The following WDFY4 variants were observed in gnomAD, a reference collection of about 807,000 sequenced individuals.
WDFY4 encodes WDFY family member 4.
In WDFY4, 169 loss-of-function variants were observed where a neutral mutation model predicts 351.9. The ratio of observed to expected loss-of-function variants is 0.48; its 90% CI spans 0.42 to 0.55. WDFY4 has a LOEUF of 0.55. WDFY4 is among the 20% of genes least tolerant of loss of function. The probability of loss-of-function intolerance (pLI) is 0.00; values close to 1 mark genes in which losing one functional copy is unlikely to be tolerated. For missense variants in WDFY4, 3,803 were observed against 3,935.6 expected (o/e 0.97, Z 0.90); for synonymous variants, 1,622 against 1,574.6 (o/e 1.03, Z -0.71).
chr10:48,688,221 C>T (rs1015683678), intron 1 of WDFY4, among the ~76,000 whole-genome samples: 1 of 152,196 alleles, frequency 6.6e-6, no homozygotes, highest in Non-Finnish European at 1.5e-5. Flanking sequence ...TTGTTAACCA[C>T]AGGTTTATAA....
At chr10:48,726,182 G>A in intron 6 of WDFY4, 112 bp downstream of exon 6, 1 of 1,243,760 alleles carries the variant, frequency 8.0e-7, no homozygotes, top group African/African-American at 1.5e-5. Context: ...TGCTCTTGCA[G>A]CCTCTTATAG....
chr10:48,877,539 A>G (rs984972194), intron 43 of WDFY4, among the ~76,000 whole-genome samples: 9 of 152,230 alleles, frequency 5.9e-5, no homozygotes, highest in African/African-American at 2.2e-4. Flanking sequence ...GCAGTTCAGC[A>G]TCTTGGCCCC....
rs577637085 is a variant in WDFY4 at position 48,960,945 on chromosome 10, A to AACAC, written c.8223+1135_8223+1138dup. On this transcript the variant is annotated intron_variant, in intron 53 of 61. Transcript: ENST00000325239. ...TGAAGTAGGAGAGTGACCACAAAGG[A>AACAC]ACACACGGGGGGACTTTTTGAGCCG... Among the ~76,000 whole-genome samples, 17 of 152,356 alleles carry AACAC rather than the reference A, an allele frequency of 1.1e-4. 1 individual carries two copies. The East Asian group carries it at 2.5e-3, about 22-fold the overall frequency.
chr10:48,776,025 A>G (rs541632578), intron 15 of WDFY4, among the ~76,000 whole-genome samples: 5 of 152,216 alleles, frequency 3.3e-5, no homozygotes, highest in Admixed American at 6.5e-5. Flanking sequence ...CCAGACATAT[A>G]AGACAGATGA....
chr10:48,852,690 C>A (rs150724768), intron 39 of WDFY4, among the ~76,000 whole-genome samples: 13 of 152,272 alleles, frequency 8.5e-5, no homozygotes, highest in African/African-American at 2.6e-4. Flanking sequence ...ACAGCCTCAT[C>A]CCCATCTGCA....
At position 48,720,013 on chromosome 10, in the gene WDFY4, C is replaced by T. The variant is rs140233893; in HGVS notation, c.237C>T (p.Ala79=). 1.3e-6 allele frequency: 2 copies of T among 1,551,628 alleles called. No homozygotes were observed. The highest frequency in any genetic ancestry group is 2.4e-5 in the East Asian group (1 of 40,920). Residue 79 remains alanine (A), a splice_region_variant and synonymous_variant, in exon 3 of 62, where the codon GCC becomes GCT. Transcript: ENST00000325239. ...LLSLLPLFLK[A]WEHSVGIICF... is the part of the protein sequence containing the mutation. Reference sequence around the variant, plus strand: ...CCAAGTCCCATCTGTTGCTTCAGGCCTGGGAACACTCCGTGGGGATCATCT... The same window carrying T: ...CCAAGTCCCATCTGTTGCTTCAGGCTTGGGAACACTCCGTGGGGATCATCT...
At chr10:48,861,036 A>G (rs921585464) in intron 39 of WDFY4, among the ~76,000 whole-genome samples, 6 of 152,112 alleles carry the variant, frequency 3.9e-5, no homozygotes, top group Non-Finnish European at 7.4e-5. Flanking sequence ...TTTTTTTGGA[A>G]TTAAATTTTC....
At chr10:48,785,950 AT>A (rs2132693175) in intron 19 of WDFY4, among the ~76,000 whole-genome samples, 1 of 152,324 alleles carries the variant, frequency 6.6e-6, no homozygotes, top group African/African-American at 2.4e-5. Flanking sequence ...GGGAAATAAT[AT>A]CTTTACTATA....
At chr10:48,892,642 G>A (rs1836871755) in intron 44 of WDFY4, among the ~76,000 whole-genome samples, 1 of 152,178 alleles carries the variant, frequency 6.6e-6, no homozygotes, top group Admixed American at 6.5e-5. Context: ...TTTGACCATG[G>A]AGATTAAAGA....
At chr10:48,733,042 G>C (rs1331043176) in intron 9 of WDFY4, among the ~76,000 whole-genome samples, 1 of 152,218 alleles carries the variant, frequency 6.6e-6, no homozygotes, top group Non-Finnish European at 1.5e-5. Flanking sequence ...TGCTTCATCC[G>C]CTTTCCTTGG....
intron 43 of WDFY4, among the ~76,000 whole-genome samples, chr10:48,877,865 C>T (rs1182941780): frequency 6.6e-6 from 1 of 152,116 alleles, no homozygotes; most frequent in Admixed American, 6.5e-5. Context: ...TGGGGAGGTC[C>T]CAGAGAAGGA....
chr10:48,925,527 A>G lies in WDFY4; in HGVS notation c.7587-16279A>G, dbSNP rs953027577. 3.3e-5 allele frequency among the ~76,000 whole-genome samples: 5 copies of G among 152,238 alleles called. No individual in the cohort carries two copies. The South Asian group carries it at 1.0e-3, about 31-fold the overall frequency. On this transcript the variant is annotated intron_variant, in intron 47 of 61. Transcript: ENST00000325239. Reference sequence around the variant, plus strand: ...TGCAGTGTTACCTAGATTTAGGAATATAGATTCCTTGGGGGTATAAACATA... The same window carrying G: ...TGCAGTGTTACCTAGATTTAGGAATGTAGATTCCTTGGGGGTATAAACATA...
chr10:48,795,534 T>TATATAC (rs1565208128), intron 23 of WDFY4, among the ~76,000 whole-genome samples: 1 of 67,844 alleles, frequency 1.5e-5, no homozygotes, highest in African/African-American at 8.0e-5. Flanking sequence ...CATATATATA[T>TATATAC]ACACACACAT....
At chr10:48,787,872 T>C (rs113038601) in intron 20 of WDFY4, among the ~76,000 whole-genome samples, 4,170 of 120,200 alleles carry the variant, frequency 0.035, 342 homozygotes, top group Middle Eastern at 0.066. Flanking sequence ...TTCTTCTTTC[T>C]TCTTTCTTTC....
At chr10:48,874,121 A>C (rs1319004962) in intron 41 of WDFY4, among the ~76,000 whole-genome samples, 1 of 152,228 alleles carries the variant, frequency 6.6e-6, no homozygotes, top group East Asian at 1.9e-4. Flanking sequence ...CATTACTGCA[A>C]ATCCCATAAC....
At chr10:48,690,380 G>A (rs901794247) in intron 1 of WDFY4, among the ~76,000 whole-genome samples, 8 of 152,186 alleles carry the variant, frequency 5.3e-5, no homozygotes, top group Non-Finnish European at 1.2e-4. Context: ...TTGTGATATG[G>A]GATGTTTGGG....
intron 12 of WDFY4, chr10:48,745,646 T>A (rs2064986628): frequency 7.0e-6 from 4 of 569,764 alleles, no homozygotes; most frequent in Middle Eastern, 9.7e-4. Context: ...TGGTAGTGGG[T>A]CTCGGCCTTC....
At chr10:48,829,262 C>T (rs1256092623) in intron 37 of WDFY4, among the ~76,000 whole-genome samples, 3 of 152,168 alleles carry the variant, frequency 2.0e-5, no homozygotes, top group Admixed American at 6.5e-5. Flanking sequence ...CCCATCTCAC[C>T]TAATTTAGTT....
chr10:48,873,544 G>A lies in WDFY4; in HGVS notation c.6795G>A (p.Glu2265=), dbSNP rs757023368. The A allele has an allele frequency of 3.2e-6, 5 of 1,551,648 alleles. No individual in the cohort carries two copies. The highest frequency in any genetic ancestry group is 1.2e-5 in the South Asian group (1 of 84,064). The change falls in exon 41 of 62, where the codon GAG becomes GAA. Residue 2265 remains glutamate, a synonymous_variant. Coordinates refer to ENST00000325239, the MANE Select transcript of WDFY4 (RefSeq NM_001394531.1). The part of the protein sequence containing the change: ...KAANAWARIQ[E]QLFGELGLWS... ...CCAACGCCTGGGCCAGGATCCAGGA[G>A]CAGCTTTTTGGGGAGCTGGGCTTGT...
Sources: allele counts gnomAD v4.1 joint callset (sites outside exome capture counted in the v4.1 genomes callset), GRCh38; gene constraint gnomAD v4.1.1; transcripts MANE v1.5; gene names NCBI Gene and HGNC (gene_info 2026-07-23, HGNC 2026-07-21).